Variants in KCNQ5 observed in about 807,000 individuals in gnomAD.
KCNQ5 encodes the protein potassium voltage-gated channel subfamily Q member 5.
KCNQ5 carries 30 observed loss-of-function variants against 98.2 expected under a neutral mutation model. The ratio of observed to expected loss-of-function variants is 0.31; its 90% CI spans 0.23 to 0.41. The LOEUF (loss-of-function observed/expected upper bound fraction) is 0.41, where lower values mean the gene tolerates loss of function less well. KCNQ5 is among the 10% of genes least tolerant of loss of function. KCNQ5 has a pLI of 1.00. For synonymous variants in KCNQ5, 458 were observed against 449.4 expected, an observed-to-expected ratio of 1.02 and a Z score of -0.24; for missense variants, 835 against 1,182.5, an observed-to-expected ratio of 0.71 and a Z score of 4.31.
At chr6:73,124,601 C>A in intron 9 of KCNQ5, 89 bp downstream of exon 9, 1 of 1,135,532 alleles carries the variant, frequency 8.8e-7, no homozygotes, top group Non-Finnish European at 1.3e-6. Context: ...TAAAATCGAT[C>A]AACAAATACA....
At chr6:72,891,350 G>T (rs1394170544) in intron 1 of KCNQ5, among the ~76,000 whole-genome samples, 1 of 152,144 alleles carries the variant, frequency 6.6e-6, no homozygotes, top group Non-Finnish European at 1.5e-5. Context: ...TGTGTAAATG[G>T]TTGGATGAAC....
chr6:73,115,673 A>C (rs919455078), intron 7 of KCNQ5, among the ~76,000 whole-genome samples: 1 of 152,206 alleles, frequency 6.6e-6, no homozygotes, highest in African/African-American at 2.4e-5. Flanking sequence ...ATCCAGCCAA[A>C]CCACCATCAA....
intron 1 of KCNQ5, among the ~76,000 whole-genome samples, chr6:72,976,787 C>T (rs1768178736): frequency 6.6e-6 from 1 of 152,174 alleles, no homozygotes; most frequent in Non-Finnish European, 1.5e-5. Flanking sequence ...AAATAGTTTC[C>T]CAGGAACTGG....
At chr6:73,151,904 A>G (rs1019012274) in intron 10 of KCNQ5, among the ~76,000 whole-genome samples, 1 of 152,186 alleles carries the variant, frequency 6.6e-6, no homozygotes, top group African/African-American at 2.4e-5. Flanking sequence ...AGGCATGATG[A>G]TGACAGCTGT....
chr6:73,114,946 C>T (rs1316308435), intron 7 of KCNQ5, among the ~76,000 whole-genome samples: 1 of 152,042 alleles, frequency 6.6e-6, no homozygotes, highest in East Asian at 1.9e-4. Flanking sequence ...TAAAGCGAAG[C>T]CACTAGTCAT....
At chr6:72,726,710 A>G (rs1422272783) in intron 1 of KCNQ5, among the ~76,000 whole-genome samples, 2 of 152,228 alleles carry the variant, frequency 1.3e-5, no homozygotes, top group Admixed American at 6.5e-5. Context: ...TGAATACAGA[A>G]AAAATTTAAT....
At chr6:72,867,216 C>T (rs1778024500) in intron 1 of KCNQ5, among the ~76,000 whole-genome samples, 1 of 152,200 alleles carries the variant, frequency 6.6e-6, no homozygotes, top group South Asian at 2.1e-4. Context: ...TTAGCTTTTG[C>T]TTTCTCAGAG....
chr6:72,987,267 G>A (rs1439562471), intron 1 of KCNQ5: 1 of 692,168 alleles, frequency 1.4e-6, no homozygotes, highest in Non-Finnish European at 2.8e-6. Flanking sequence ...TTGGAAGGAG[G>A]AAACAGAGAC....
chr6:72,781,630 A>T (rs1171879808), intron 1 of KCNQ5, among the ~76,000 whole-genome samples: 1 of 152,126 alleles, frequency 6.6e-6, no homozygotes, highest in Non-Finnish European at 1.5e-5. Flanking sequence ...CTTCATGTTG[A>T]TGTTGCTGCC....
At chr6:72,879,263 TCTC>T (rs921478471) in intron 1 of KCNQ5, among the ~76,000 whole-genome samples, 1 of 152,168 alleles carries the variant, frequency 6.6e-6, no homozygotes, top group African/African-American at 2.4e-5. Context: ...ATTTCCAATT[TCTC>T]CTTATTCTTA....
intron 1 of KCNQ5, among the ~76,000 whole-genome samples, chr6:72,834,652 C>T (rs1412341834): frequency 6.6e-6 from 1 of 152,084 alleles, no homozygotes; most frequent in East Asian, 1.9e-4. Context: ...TTAGGATTGG[C>T]CCTTTGCTGC....
At chr6:72,717,111 A>G (rs1168303367) in intron 1 of KCNQ5, among the ~76,000 whole-genome samples, 1 of 152,216 alleles carries the variant, frequency 6.6e-6, no homozygotes, top group Non-Finnish European at 1.5e-5. Context: ...TCTCACTGGC[A>G]TAATCTGATG....
intron 1 of KCNQ5, among the ~76,000 whole-genome samples, chr6:72,943,551 T>G (rs527635347): frequency 1.3e-5 from 2 of 152,220 alleles, no homozygotes; most frequent in African/African-American, 4.8e-5. Context: ...AGTGTCAAAT[T>G]ATCATTTGAA....
intron 10 of KCNQ5, among the ~76,000 whole-genome samples, chr6:73,160,831 T>C (rs1362959041): frequency 1.3e-5 from 2 of 152,206 alleles, no homozygotes; most frequent in Admixed American, 6.5e-5. Flanking sequence ...GGTCCTAGCC[T>C]TTGGTTTCTA....
intron 1 of KCNQ5, among the ~76,000 whole-genome samples, chr6:72,808,219 A>G (rs1775049473): frequency 1.3e-5 from 2 of 152,182 alleles, no homozygotes; most frequent in Non-Finnish European, 2.9e-5. Context: ...AAGAAAGAAG[A>G]AGTTGTTACG....
At chr6:72,680,322 TTTCAAGGTACA>T (rs1767642770) in intron 1 of KCNQ5, among the ~76,000 whole-genome samples, 1 of 152,234 alleles carries the variant, frequency 6.6e-6, no homozygotes, top group Admixed American at 6.5e-5. Context: ...CACTTAATGT[TTTCAAGGTACA>T]TTCATGGTGT....
At chr6:72,812,717 A>C (rs907427699) in intron 1 of KCNQ5, among the ~76,000 whole-genome samples, 10 of 152,196 alleles carry the variant, frequency 6.6e-5, no homozygotes, top group African/African-American at 2.4e-4. Flanking sequence ...GGCTAGCTCC[A>C]CTTAGAAGCC....
At chr6:72,911,191 T>G (rs1413251283) in intron 1 of KCNQ5, among the ~76,000 whole-genome samples, 1 of 152,142 alleles carries the variant, frequency 6.6e-6, no homozygotes, top group Non-Finnish European at 1.5e-5. Flanking sequence ...AAGGACAGAA[T>G]GTTTATGACA....
intron 1 of KCNQ5, among the ~76,000 whole-genome samples, chr6:72,972,516 C>T (rs917702249): frequency 6.6e-6 from 1 of 151,816 alleles, no homozygotes; most frequent in Non-Finnish European, 1.5e-5. Flanking sequence ...CCAACAAGCC[C>T]TGGTGTGTGC....
Sources: allele counts gnomAD v4.1 joint callset (sites outside exome capture counted in the v4.1 genomes callset), GRCh38; gene constraint gnomAD v4.1.1; transcripts MANE v1.5; gene names NCBI Gene and HGNC (gene_info 2026-07-23, HGNC 2026-07-21).